Variants in MCM6 observed in about 807,000 individuals in gnomAD.
MCM6 encodes minichromosome maintenance complex component 6.
A neutral mutation model predicts 94.3 loss-of-function variants in MCM6; 46 were observed. The observed-to-expected ratio is 0.49, with a 90% CI of 0.39 to 0.62. MCM6 has a LOEUF of 0.62. Ranked by LOEUF, MCM6 falls within the 20% of genes least tolerant of loss-of-function variation. MCM6 has a pLI of 0.00. For missense variants in MCM6, 865 were observed against 1,017.9 expected, an observed-to-expected ratio of 0.85 and a Z score of 2.04; for synonymous variants, 335 against 351.9, an observed-to-expected ratio of 0.95 and a Z score of 0.54.
chr2:135,857,775 C>T (rs1679919877), intron 10 of MCM6, 122 bp downstream of exon 10: 1 of 714,874 alleles, frequency 1.4e-6, no homozygotes, highest in Admixed American at 2.5e-5. Context: ...GCTGTATTTT[C>T]CATTTTAATG....
At chr2:135,865,292 T>A (rs1680070936) in intron 6 of MCM6, 129 bp from the exon 7 acceptor site, 1 of 597,724 alleles carries the variant, frequency 1.7e-6, no homozygotes, top group African/African-American at 1.9e-5. Context: ...ACTGTAAAGG[T>A]TTAAAAAAAA....
intron 4 of MCM6, among the ~76,000 whole-genome samples, chr2:135,867,572 C>T (rs1253625603): frequency 1.3e-5 from 2 of 152,140 alleles, no homozygotes; most frequent in African/African-American, 4.8e-5. Flanking sequence ...GCTGCTTCAG[C>T]TTTTCTTTCC....
chr2:135,872,566 G>A (rs988745562), intron 2 of MCM6, 131 bp downstream of exon 2: 11 of 903,708 alleles, frequency 1.2e-5, no homozygotes, highest in Non-Finnish European at 1.5e-5. Context: ...GTATCAAAGC[G>A]CCTCTTCTCA....
At chr2:135,858,118 C>A in intron 9 of MCM6, 114 bp from the exon 10 acceptor site, 1 of 905,298 alleles carries the variant, frequency 1.1e-6, no homozygotes, top group Non-Finnish European at 1.8e-6. Flanking sequence ...TCACTAAGGC[C>A]GGGCATTTGA....
chr2:135,864,478 C>G, intron 7 of MCM6, among the ~76,000 whole-genome samples: 1 of 152,088 alleles, frequency 6.6e-6, no homozygotes, highest in East Asian at 1.9e-4. Flanking sequence ...AAAACACATA[C>G]ACACACACCA....
At chr2:135,847,651 C>T (rs930745977) in intron 14 of MCM6, among the ~76,000 whole-genome samples, 1 of 152,194 alleles carries the variant, frequency 6.6e-6, no homozygotes, top group African/African-American at 2.4e-5. Context: ...GCAACCTCCG[C>T]CTCCCGGGTT....
At chr2:135,841,658 C>G (rs1371201628) in intron 16 of MCM6, among the ~76,000 whole-genome samples, 1 of 152,188 alleles carries the variant, frequency 6.6e-6, no homozygotes, top group Non-Finnish European at 1.5e-5. Context: ...AAAAATTGCC[C>G]TTTCAAATCT....
intron 11 of MCM6, among the ~76,000 whole-genome samples, chr2:135,854,529 CAAAAAAAA>C (rs1181597035): frequency 2.0e-5 from 1 of 49,958 alleles, no homozygotes; most frequent in African/African-American, 8.1e-5. Flanking sequence ...GACTCCATCT[CAAAAAAAA>C]AAAAAAAAAA....
rs866569036 is a variant in MCM6 at position 135,844,811 on chromosome 2, T to G, written c.2210-127A>C. On this transcript the variant is annotated intron_variant, in intron 15 of 16. Transcript: ENST00000264156. ...AAATGTCAAGCCGTCCGAAAGTACATCTGGTGACGTAAGGTCCGCAATGTT... is the reference window on the plus strand; with the variant it reads ...AAATGTCAAGCCGTCCGAAAGTACAGCTGGTGACGTAAGGTCCGCAATGTT... The G allele has an allele frequency of 5.5e-5, 52 of 951,336 alleles. No individual in the cohort carries two copies. In the Middle Eastern group the frequency reaches 3.2e-3, roughly 59 times the overall value. 58.9% of individuals were successfully genotyped at this position (951,336 alleles called of 1,614,324 possible).
chr2:135,868,361 C>T (rs981398663), intron 4 of MCM6, among the ~76,000 whole-genome samples: 1 of 152,196 alleles, frequency 6.6e-6, no homozygotes, highest in Non-Finnish European at 1.5e-5. Flanking sequence ...ACCTAGTTAC[C>T]ATTTATTCTT....
chr2:135,869,535 C>CAA (rs964823845), intron 3 of MCM6, among the ~76,000 whole-genome samples: 1 of 150,904 alleles, frequency 6.6e-6, no homozygotes, highest in Non-Finnish European at 1.5e-5. Context: ...ATTTTGTACT[C>CAA]AAAGTTCAGA....
intron 11 of MCM6, among the ~76,000 whole-genome samples, chr2:135,855,762 C>G (rs551032697): frequency 2.0e-5 from 3 of 152,296 alleles, no homozygotes; most frequent in African/African-American, 7.2e-5. Context: ...AAGAGCTGTG[C>G]ACTGTACCCA....
chr2:135,862,511 C>A, intron 8 of MCM6, 96 bp downstream of exon 8: 1 of 1,273,416 alleles, frequency 7.9e-7, no homozygotes. Context: ...AATTTACACT[C>A]CTAGTAAGGC....
intron 1 of MCM6, among the ~76,000 whole-genome samples, chr2:135,874,559 A>C (rs1680262357): frequency 6.6e-6 from 1 of 152,230 alleles, no homozygotes; most frequent in Non-Finnish European, 1.5e-5. Context: ...CAATAGACAA[A>C]AGGTGGAATG....
intron 14 of MCM6, 145 bp from the exon 15 acceptor site, chr2:135,846,537 C>T: frequency 1.5e-6 from 1 of 672,288 alleles, no homozygotes; most frequent in East Asian, 2.9e-5. Flanking sequence ...GAGACAGGGT[C>T]TTGCTATGCT....
chr2:135,854,074 A>C (rs190091025), intron 11 of MCM6, among the ~76,000 whole-genome samples: 1 of 152,134 alleles, frequency 6.6e-6, no homozygotes, highest in Non-Finnish European at 1.5e-5. Context: ...AAAAAATACA[A>C]AAGTTAGCTG....
At chr2:135,866,513 G>A in intron 5 of MCM6, 50 bp downstream of exon 5, 2 of 1,558,352 alleles carry the variant, frequency 1.3e-6, no homozygotes, top group Middle Eastern at 1.7e-4. Flanking sequence ...TAGATACTGT[G>A]CAGTTTAGGT....
chr2:135,846,337 T>C lies in MCM6; in HGVS notation c.2109A>G (p.Ile703Met). The change falls in exon 15 of 17, where the codon ATA (isoleucine) becomes ATG (methionine). Residue 703 changes from isoleucine to methionine, a missense_variant. Around this residue, in one of 3 missense-constraint regions of MCM6, gnomAD observed 308 missense variants for 324.5 expected, o/e 0.95. Transcript: ENST00000264156. ...VNGINGYNED[I>M]NQESAPKASL... ...AGGCTTTGGGAGCAGACTCTTGATT[T>C]ATGTCTTCATTGTAGCCATTGATCC... The C allele has an allele frequency of 6.2e-7, 1 of 1,614,120 alleles. No individual in the cohort carries two copies. Among genetic ancestry groups the C allele is most frequent in the Non-Finnish European group, 8.5e-7 (1 of 1,179,984 alleles).
At chr2:135,854,665 G>A (rs1178049026) in intron 11 of MCM6, among the ~76,000 whole-genome samples, 1 of 151,870 alleles carries the variant, frequency 6.6e-6, no homozygotes, top group African/African-American at 2.4e-5. Flanking sequence ...TTGAGCTCAG[G>A]AGTTTGCAGC....
Sources: allele counts gnomAD v4.1 joint callset (sites outside exome capture counted in the v4.1 genomes callset), GRCh38; gene constraint gnomAD v4.1.1; regional missense constraint gnomAD v4.1.1; transcripts MANE v1.5; gene names NCBI Gene and HGNC (gene_info 2026-07-23, HGNC 2026-07-21).